The following UNC13C variants were observed in gnomAD, a reference collection of about 807,000 sequenced individuals.
The protein encoded by UNC13C is unc-13 homolog C, also known as protein unc-13 homolog C.
Under a neutral mutation model 245.4 loss-of-function variants are expected in UNC13C, and 174 were observed. The ratio of observed to expected loss-of-function variants is 0.71; its 90% CI spans 0.63 to 0.80. The LOEUF is 0.80. Ranked by LOEUF, UNC13C falls within the 30% of genes least tolerant of loss-of-function variation. The pLI is 0.00. For missense variants in UNC13C, 2,829 were observed against 2,602.9 expected (o/e 1.09, Z -1.89); for synonymous variants, 992 against 895.1 (o/e 1.11, Z -1.93).
At chr15:54,054,872 C>T (rs967771689) in intron 2 of UNC13C, among the ~76,000 whole-genome samples, 9 of 152,052 alleles carry the variant, frequency 5.9e-5, no homozygotes, top group Non-Finnish European at 8.8e-5. Context: ...ATGGAGTCGA[C>T]TTTGATGCAG....
chr15:54,360,432 C>G (rs1055878948), intron 17 of UNC13C, among the ~76,000 whole-genome samples: 4 of 152,008 alleles, frequency 2.6e-5, no homozygotes, highest in Non-Finnish European at 5.9e-5. Context: ...TTTATTGCAT[C>G]AATTCCTTTA....
At chr15:54,577,783 C>T (rs1348221846) in intron 30 of UNC13C, among the ~76,000 whole-genome samples, 2 of 152,166 alleles carry the variant, frequency 1.3e-5, no homozygotes, top group African/African-American at 4.8e-5. Context: ...CTTCTCAAAC[C>T]ATCCTAAAAT....
At chr15:53,990,050 G>T (rs1477208480) in intron 1 of UNC13C, among the ~76,000 whole-genome samples, 1 of 152,024 alleles carries the variant, frequency 6.6e-6, no homozygotes, top group Non-Finnish European at 1.5e-5. Context: ...GGGAGAAAAG[G>T]TCAGCTTGTC....
rs931155362 is a variant in UNC13C, at chr15:54,574,234, G to A, written c.6106+6287G>A. ...AACATTAGCAGAAATTTTAATATAT[G>A]TTGGAATTACGACATGTTATTTCTC... On this transcript the variant is annotated intron_variant, in intron 30 of 32. Transcript: ENST00000260323. Among the ~76,000 whole-genome samples, 5 of 152,100 alleles carry A rather than the reference G, an allele frequency of 3.3e-5. No homozygotes were observed. In the East Asian group the frequency reaches 7.7e-4, roughly 23 times the overall value.
At chr15:54,072,656 G>T (rs1273598810) in intron 2 of UNC13C, among the ~76,000 whole-genome samples, 1 of 152,158 alleles carries the variant, frequency 6.6e-6, no homozygotes, top group Non-Finnish European at 1.5e-5. Flanking sequence ...AAGGTAGGCA[G>T]AGATAAGATG....
chr15:54,429,376 C>G (rs532983920), intron 19 of UNC13C, among the ~76,000 whole-genome samples: 1 of 151,680 alleles, frequency 6.6e-6, no homozygotes, highest in African/African-American at 2.4e-5. Flanking sequence ...TATTTTTCCA[C>G]GTCTTTATCT....
chr15:53,846,100 A>T, the UNC13C span, among the ~76,000 whole-genome samples: 2 of 152,294 alleles, frequency 1.3e-5, no homozygotes, highest in East Asian at 3.9e-4. Flanking sequence ...AGGCTAATAT[A>T]AGTGTTCTCA....
chr15:54,221,970 G>T (rs747990015), intron 4 of UNC13C, among the ~76,000 whole-genome samples: 1 of 151,860 alleles, frequency 6.6e-6, no homozygotes, highest in African/African-American at 2.4e-5. Flanking sequence ...TTAAATTTTT[G>T]TGAGTACATA....
At chr15:54,606,665 C>G (rs962098902) in intron 30 of UNC13C, among the ~76,000 whole-genome samples, 3 of 152,178 alleles carry the variant, frequency 2.0e-5, no homozygotes, top group Admixed American at 2.0e-4. Context: ...AAAACTATTT[C>G]ATTTTTCCAA....
intron 19 of UNC13C, among the ~76,000 whole-genome samples, chr15:54,451,707 C>T (rs1462668405): frequency 1.3e-5 from 2 of 151,934 alleles, no homozygotes; most frequent in Admixed American, 1.3e-4. Flanking sequence ...TTGTGTTGTT[C>T]CTTACTGACC....
chr15:54,505,218 A>G (rs575814334), intron 22 of UNC13C, among the ~76,000 whole-genome samples: 1 of 152,254 alleles, frequency 6.6e-6, no homozygotes, highest in South Asian at 2.1e-4. Flanking sequence ...TAGTTCCCCA[A>G]AGATAAAATC....
At chr15:54,079,076 CTCTT>C (rs745799104) in intron 2 of UNC13C, among the ~76,000 whole-genome samples, 59 of 152,096 alleles carry the variant, frequency 3.9e-4, no homozygotes, top group Non-Finnish European at 6.9e-4. Context: ...GTGTTCCTCT[CTCTT>C]TGTCTATTTT....
intron 2 of UNC13C, among the ~76,000 whole-genome samples, chr15:54,116,087 C>T (rs1025436293): frequency 6.6e-6 from 1 of 151,914 alleles, no homozygotes; most frequent in African/African-American, 2.4e-5. Flanking sequence ...CATTTATATT[C>T]TTTTTTCTCC....
At chr15:54,430,013 G>T (rs2040840625) in intron 19 of UNC13C, among the ~76,000 whole-genome samples, 1 of 151,562 alleles carries the variant, frequency 6.6e-6, no homozygotes, top group African/African-American at 2.4e-5. Flanking sequence ...CAATTTGAGG[G>T]TGGGAACATG....
intron 30 of UNC13C, among the ~76,000 whole-genome samples, chr15:54,615,307 C>T (rs1900358287): frequency 6.6e-6 from 1 of 152,048 alleles, no homozygotes; most frequent in African/African-American, 2.4e-5. Flanking sequence ...GGTCTGTCTT[C>T]TTAACTTCCT....
intron 2 of UNC13C, among the ~76,000 whole-genome samples, chr15:54,042,649 C>G (rs939749973): frequency 1.3e-5 from 2 of 152,006 alleles, no homozygotes; most frequent in African/African-American, 4.8e-5. Context: ...GTCAGGAGAT[C>G]GAGACCATCC....
chr15:54,440,658 C>T (rs1156785828), intron 19 of UNC13C, among the ~76,000 whole-genome samples: 1 of 151,948 alleles, frequency 6.6e-6, no homozygotes, highest in East Asian at 1.9e-4. Flanking sequence ...ATTTCCTTTA[C>T]TCTGAATAGA....
the UNC13C span, among the ~76,000 whole-genome samples, chr15:53,862,534 T>C: frequency 6.6e-6 from 1 of 152,160 alleles, no homozygotes; most frequent in Non-Finnish European, 1.5e-5. Flanking sequence ...TATCAGACTT[T>C]AGGGTCTGAG....
In UNC13C at chr15:54,355,548, G is replaced by A. The variant is rs537305690; in HGVS notation, c.4713+17059G>A. ...ATTTTTTGTATTTTTAGTAGAGACG[G>A]GGTTTCACCATGTTGGCCAGGCTGG... On this transcript the variant is annotated intron_variant, in intron 17 of 32. Coordinates refer to ENST00000260323, the MANE Select transcript of UNC13C (RefSeq NM_001080534.3). Among the ~76,000 whole-genome samples, 265 of 152,028 alleles carry A rather than the reference G, an allele frequency of 1.7e-3. 1 individual carries two copies. Among genetic ancestry groups the A allele is most frequent in the African/African-American group, 6.0e-3 (247 of 41,512 alleles).
Sources: allele counts gnomAD v4.1 joint callset (sites outside exome capture counted in the v4.1 genomes callset), GRCh38; gene constraint gnomAD v4.1.1; transcripts MANE v1.5; gene names NCBI Gene and HGNC (gene_info 2026-07-23, HGNC 2026-07-21).